Variants in ARHGAP22 observed in about 807,000 individuals in gnomAD.
ARHGAP22 encodes rho GTPase-activating protein 22.
Under a neutral mutation model 59.1 loss-of-function variants are expected in ARHGAP22, and 48 were observed. The observed-to-expected ratio is 0.81, with a 90% CI of 0.64 to 1.03. The LOEUF (loss-of-function observed/expected upper bound fraction) is 1.03. Among genes scored for constraint, ARHGAP22 ranks in the 50% least tolerant of loss-of-function variants. ARHGAP22 has a pLI of 0.00. For missense variants in ARHGAP22, 1,015 were observed against 958.7 expected (o/e 1.06, Z -0.78); for synonymous variants, 445 against 416.4 (o/e 1.07, Z -0.84).
chr10:48,610,063 A>G (rs1223314493), upstream of ARHGAP22, among the ~76,000 whole-genome samples: 3 of 152,036 alleles, frequency 2.0e-5, no homozygotes, highest in Admixed American at 2.0e-4. Context: ...CTCTCCACCC[A>G]CTGTTCCTGG....
At chr10:48,481,267 C>A (rs1227986210) in intron 3 of ARHGAP22, among the ~76,000 whole-genome samples, 2 of 152,194 alleles carry the variant, frequency 1.3e-5, no homozygotes, top group Non-Finnish European at 2.9e-5. Flanking sequence ...AGCAGCTCTG[C>A]CTTGGGGACA....
intron 3 of ARHGAP22, among the ~76,000 whole-genome samples, chr10:48,524,543 C>T (rs2054155421): frequency 6.6e-6 from 1 of 152,074 alleles, no homozygotes. Context: ...CCGGCCTGGC[C>T]TCCCCGCGCA....
At chr10:48,486,659 G>T (rs1009698483) in intron 3 of ARHGAP22, among the ~76,000 whole-genome samples, 6 of 152,162 alleles carry the variant, frequency 3.9e-5, no homozygotes, top group African/African-American at 1.4e-4. Context: ...TAAGAGAAAA[G>T]CATATATTTA....
At chr10:48,513,750 G>A (rs1312284392) in intron 3 of ARHGAP22, among the ~76,000 whole-genome samples, 1 of 152,058 alleles carries the variant, frequency 6.6e-6, no homozygotes, top group African/African-American at 2.4e-5. Context: ...AGATACCCAA[G>A]AAAAATAGGT....
At chr10:48,475,044 CA>C (rs1589609610) in intron 4 of ARHGAP22, among the ~76,000 whole-genome samples, 2 of 152,300 alleles carry the variant, frequency 1.3e-5, no homozygotes, top group East Asian at 3.9e-4. Flanking sequence ...CCCTTTTCTG[CA>C]AACTTTTTGA....
chr10:48,598,211 T>C (rs910764465), intron 1 of ARHGAP22, among the ~76,000 whole-genome samples: 3 of 152,218 alleles, frequency 2.0e-5, no homozygotes, highest in South Asian at 2.1e-4. Context: ...GTTGGAGTTA[T>C]CTGGGAAGAA....
intron 3 of ARHGAP22, among the ~76,000 whole-genome samples, chr10:48,497,371 C>T (rs2051045238): frequency 6.6e-6 from 1 of 152,192 alleles, no homozygotes; most frequent in South Asian, 2.1e-4. Flanking sequence ...CCTGCCTCCT[C>T]CTCAGCAGCG....
rs571554729 is a variant in ARHGAP22, at chr10:48,544,693, C to T, written c.322+10770G>A. Among the ~76,000 whole-genome samples, 100 of 152,240 alleles carry T rather than the reference C, an allele frequency of 6.6e-4. 1 individual carries two copies. Among genetic ancestry groups the T allele is most frequent in the African/African-American group, 2.2e-3 (92 of 41,530 alleles). On this transcript the variant is annotated intron_variant, in intron 3 of 9. Coordinates refer to ENST00000249601, the MANE Select transcript of ARHGAP22 (RefSeq NM_021226.4). ...CATACATTTTATGAAATCTAAATGCCGATCAAAGATGGCTATAGTTAATTA... is the reference window on the plus strand; with the variant it reads ...CATACATTTTATGAAATCTAAATGCTGATCAAAGATGGCTATAGTTAATTA...
Position 48,588,449 on chromosome 10 carries a change from C to T in ARHGAP22, c.35-5297G>A, listed in dbSNP as rs192163824. On this transcript the variant is annotated intron_variant, in intron 1 of 9. Transcript: ENST00000249601. ...CTATGATTTATTAATAACTGCTGTT[C>T]CGGTCTTCAGCACTTCCTTTAATCA... Among the ~76,000 whole-genome samples, 83 of 152,298 alleles carry T rather than the reference C, an allele frequency of 5.4e-4. 1 individual carries two copies. In the East Asian group the frequency reaches 0.015, roughly 27 times the overall value.
At position 48,459,853 on chromosome 10, in the gene ARHGAP22, C is replaced by G; in HGVS notation, c.490G>C (p.Glu164Gln). Residue 164 changes from glutamate (E) to glutamine (Q), a missense_variant, in exon 5 of 10, where the codon GAG (glutamate) becomes CAG (glutamine). Coordinates refer to ENST00000249601, the MANE Select transcript of ARHGAP22 (RefSeq NM_021226.4). ...GQRLEETVHH[E>Q]RKYGPRLAPL... ...GCCAGGCGGGGGCCATACTTCCGCT[C>G]GTGGTGGACTGTTTCCTCTAGGCGC... The G allele has an allele frequency of 6.2e-7, 1 of 1,613,156 alleles. No individual in the cohort carries two copies. Among genetic ancestry groups the G allele is most frequent in the Non-Finnish European group, 8.5e-7 (1 of 1,180,022 alleles).
chr10:48,638,154 G>A (rs953510525), intron 1 of ARHGAP22, among the ~76,000 whole-genome samples: 3 of 152,124 alleles, frequency 2.0e-5, no homozygotes, highest in African/African-American at 7.2e-5. Flanking sequence ...TACAGAATGA[G>A]GTCTGGTAGC....
At chr10:48,654,475 G>A (rs974198507), upstream of ARHGAP22, among the ~76,000 whole-genome samples, 3 of 152,208 alleles carry the variant, frequency 2.0e-5, no homozygotes, top group Non-Finnish European at 4.4e-5. Flanking sequence ...GTGCTGATTG[G>A]CTAAAGCCAA....
intron 3 of ARHGAP22, 141 bp from the exon 4 acceptor site, chr10:48,479,905 G>A (rs1178644119): frequency 1.2e-6 from 1 of 805,298 alleles, no homozygotes. Flanking sequence ...TTATCTCACA[G>A]TCCATCCCTT....
intron 2 of ARHGAP22, chr10:48,582,634 C>A: frequency 2.5e-6 from 1 of 403,582 alleles, no homozygotes; most frequent in Non-Finnish European, 4.5e-6. Flanking sequence ...GAAATGTGTG[C>A]ATGTATGTCC....
the ARHGAP22 span, among the ~76,000 whole-genome samples, chr10:48,432,568 ATAG>A: frequency 3.3e-4 from 50 of 152,274 alleles, no homozygotes; most frequent in African/African-American, 1.0e-3. Context: ...GTATTGCTAT[ATAG>A]TAGTAGTAGT....
the ARHGAP22 span, chr10:48,430,208 C>G: frequency 6.6e-6 from 1 of 152,304 alleles, no homozygotes; most frequent in Non-Finnish European, 1.5e-5. Context: ...ATTCTCCTGT[C>G]TCAGCCTCCC....
chr10:48,645,379 C>T (rs184741427), intron 1 of ARHGAP22, among the ~76,000 whole-genome samples: 39 of 152,104 alleles, frequency 2.6e-4, no homozygotes, highest in African/African-American at 8.7e-4. Flanking sequence ...AAAATATTAG[C>T]AAAGTAAATT....
At position 48,450,894 on chromosome 10, in the gene ARHGAP22, G is replaced by A. The variant is rs1159667835; in HGVS notation, c.1235C>T (p.Pro412Leu). 6.3e-7 allele frequency: 1 copy of A among 1,588,226 alleles called. No individual in the cohort carries two copies. The change falls in exon 9 of 10, where the codon CCG becomes CTG. Residue 412 changes from proline to leucine, a missense_variant. Transcript: ENST00000249601. ...CTTCCCAGGGCTGCACCGGCTCCCC[G>A]GCCCCGTGGGGGCTGTTCTGGAGAG... ...AVLSRTAPTG[P>L]GSRCSPGKKV...
At chr10:48,521,378 C>A (rs1000056463) in intron 3 of ARHGAP22, among the ~76,000 whole-genome samples, 16 of 152,192 alleles carry the variant, frequency 1.1e-4, no homozygotes, top group Non-Finnish European at 5.9e-5. Flanking sequence ...ATGATGACAC[C>A]TACTAATGTG....
Sources: allele counts gnomAD v4.1 joint callset (sites outside exome capture counted in the v4.1 genomes callset), GRCh38; gene constraint gnomAD v4.1.1; transcripts MANE v1.5; gene names NCBI Gene and HGNC (gene_info 2026-07-23, HGNC 2026-07-21).